The following SOX5 variants were observed in gnomAD, a reference collection of about 807,000 sequenced individuals.
SOX5 encodes SRY-box transcription factor 5.
In SOX5, 9 loss-of-function variants were observed where a neutral mutation model predicts 92.0. That is an observed-to-expected ratio of 0.10 (90% CI 0.06 to 0.17). The LOEUF (loss-of-function observed/expected upper bound fraction) is 0.17. SOX5 is among the 10% of genes least tolerant of loss of function. The pLI, the probability that SOX5 is intolerant of heterozygous loss-of-function variation, is 1.00. For synonymous variants in SOX5, 344 were observed against 336.3 expected (o/e 1.02, Z -0.25); for missense variants, 642 against 944.5 (o/e 0.68, Z 4.20).
chr12:24,041,898 T>C (rs1242233325), intron 4 of SOX5, among the ~76,000 whole-genome samples: 2 of 152,142 alleles, frequency 1.3e-5, no homozygotes, highest in Non-Finnish European at 2.9e-5. Context: ...TGATTAATAA[T>C]AATTTGTAAC....
At chr12:23,950,965 T>A, upstream of SOX5, 3 of 1,044,818 alleles carry the variant, frequency 2.9e-6, no homozygotes, top group Non-Finnish European at 4.2e-6. Context: ...TGTGCATTCT[T>A]CACACACGCA....
At chr12:24,221,561 G>A (rs1053096044) in intron 3 of SOX5, among the ~76,000 whole-genome samples, 3 of 152,246 alleles carry the variant, frequency 2.0e-5, no homozygotes, top group Non-Finnish European at 2.9e-5. Context: ...ACCTAAGGTT[G>A]TTATAAGTTT....
upstream of SOX5, among the ~76,000 whole-genome samples, chr12:23,953,890 AG>A (rs1410705840): frequency 6.6e-6 from 1 of 152,072 alleles, no homozygotes; most frequent in Non-Finnish European, 1.5e-5. Context: ...AACATGAAAA[AG>A]TATGCTTTTG....
chr12:23,617,931 T>G (rs2076760860), intron 8 of SOX5, among the ~76,000 whole-genome samples: 1 of 152,224 alleles, frequency 6.6e-6, no homozygotes, highest in Non-Finnish European at 1.5e-5. Context: ...GCCATCTTCG[T>G]GTACTGCACA....
chr12:23,653,348 CG>C (rs767983602), intron 7 of SOX5, among the ~76,000 whole-genome samples: 1 of 151,762 alleles, frequency 6.6e-6, no homozygotes, highest in Non-Finnish European at 1.5e-5. Context: ...ATCACTTCTT[CG>C]ATTGTATAGC....
At chr12:23,675,809 T>C (rs1476546694) in intron 6 of SOX5, among the ~76,000 whole-genome samples, 2 of 152,054 alleles carry the variant, frequency 1.3e-5, no homozygotes, top group African/African-American at 4.8e-5. Context: ...GTCCAAACCA[T>C]ATAAGGAACC....
intron 1 of SOX5, among the ~76,000 whole-genome samples, chr12:24,492,328 C>G (rs138456636): frequency 6.6e-6 from 1 of 152,058 alleles, no homozygotes; most frequent in African/African-American, 2.4e-5. Context: ...TTTAAAGGTC[C>G]CTGAAAAGTC....
intron 4 of SOX5, among the ~76,000 whole-genome samples, chr12:23,975,573 A>G (rs1478589137): frequency 6.6e-6 from 1 of 152,150 alleles, no homozygotes; most frequent in Admixed American, 6.5e-5. Flanking sequence ...GTAGTGGGAC[A>G]GTGTGATGTC....
At chr12:23,925,166 T>C (rs1329123749) in intron 1 of SOX5, among the ~76,000 whole-genome samples, 1 of 152,138 alleles carries the variant, frequency 6.6e-6, no homozygotes, top group Non-Finnish European at 1.5e-5. Flanking sequence ...AATTATGACC[T>C]CATAAATCAG....
At chr12:23,879,723 T>C (rs1393639394) in intron 2 of SOX5, among the ~76,000 whole-genome samples, 2 of 152,198 alleles carry the variant, frequency 1.3e-5, no homozygotes, top group African/African-American at 4.8e-5. Flanking sequence ...AAAAATACAT[T>C]GCACTTGTTT....
At chr12:24,019,866 G>A (rs532381331) in intron 4 of SOX5, among the ~76,000 whole-genome samples, 19 of 152,178 alleles carry the variant, frequency 1.2e-4, no homozygotes, top group South Asian at 4.1e-4. Flanking sequence ...CTTAAACTAC[G>A]AGAAGCAGTT....
intron 4 of SOX5, among the ~76,000 whole-genome samples, chr12:23,957,621 T>C (rs1373034394): frequency 1.3e-5 from 2 of 152,216 alleles, no homozygotes; most frequent in Admixed American, 6.5e-5. Flanking sequence ...AACCTAGTTG[T>C]TATAATGCAT....
chr12:24,473,896 G>C (rs1048293173), intron 1 of SOX5, among the ~76,000 whole-genome samples: 2 of 152,118 alleles, frequency 1.3e-5, no homozygotes, highest in African/African-American at 4.8e-5. Flanking sequence ...ACTCATGTTT[G>C]TAGATACATA....
chr12:23,764,050 T>A (rs1356649293), intron 3 of SOX5, among the ~76,000 whole-genome samples: 1 of 152,008 alleles, frequency 6.6e-6, no homozygotes, highest in African/African-American at 2.4e-5. Flanking sequence ...TTCTAGCTAT[T>A]AGTTACAATG....
chr12:23,899,327 G>C (rs2097208400), intron 1 of SOX5, among the ~76,000 whole-genome samples: 2 of 149,046 alleles, frequency 1.3e-5, no homozygotes, highest in South Asian at 4.3e-4. Flanking sequence ...CTTGAACCTG[G>C]GAGGCAGAGG....
At chr12:24,250,679 A>AT (rs1474199548) in intron 3 of SOX5, among the ~76,000 whole-genome samples, 3 of 152,358 alleles carry the variant, frequency 2.0e-5, no homozygotes, top group Admixed American at 2.0e-4. Context: ...CTTTTAAAAC[A>AT]TTTTGCCTAG....
chr12:24,450,739 C>T (rs1002367902), intron 1 of SOX5, among the ~76,000 whole-genome samples: 1 of 152,006 alleles, frequency 6.6e-6, no homozygotes, highest in East Asian at 1.9e-4. Flanking sequence ...GATCCACCCA[C>T]CTTGGCCTCC....
chr12:24,510,537 G>C, intron 1 of SOX5, among the ~76,000 whole-genome samples: 1 of 152,180 alleles, frequency 6.6e-6, no homozygotes, highest in Non-Finnish European at 1.5e-5. Context: ...AGGAAGTAAA[G>C]ACCAGGTAGA....
chr12:24,453,518 AAT>A (rs1942613692), intron 1 of SOX5, among the ~76,000 whole-genome samples: 1 of 152,196 alleles, frequency 6.6e-6, no homozygotes, highest in African/African-American at 2.4e-5. Context: ...TGTACTTAGT[AAT>A]ATCTTATAGA....
Sources: allele counts gnomAD v4.1 joint callset (sites outside exome capture counted in the v4.1 genomes callset), GRCh38; gene constraint gnomAD v4.1.1; transcripts MANE v1.5; gene names NCBI Gene and HGNC (gene_info 2026-07-23, HGNC 2026-07-21).